ACAP2: variants seen among roughly 807,000 people sequenced by gnomAD.
ACAP2 encodes arf-GAP with coiled-coil, ANK repeat and PH domain-containing protein 2.
A neutral mutation model predicts 115.8 loss-of-function variants in ACAP2; 39 were observed. The ratio of observed to expected loss-of-function variants is 0.34; its 90% CI spans 0.26 to 0.44. The LOEUF (loss-of-function observed/expected upper bound fraction) is 0.44. Ranked by LOEUF, ACAP2 falls within the 20% of genes least tolerant of loss-of-function variation. The probability of loss-of-function intolerance (pLI) is 1.00; values close to 1 mark genes in which losing one functional copy is unlikely to be tolerated. For missense variants in ACAP2, 662 were observed against 927.6 expected (o/e 0.71, Z 3.72); for synonymous variants, 289 against 315.8 (o/e 0.92, Z 0.90).
intron 20 of ACAP2, 35 bp downstream of exon 20, chr3:195,291,671 T>C (rs750502046): frequency 6.5e-7 from 1 of 1,533,430 alleles, no homozygotes; most frequent in East Asian, 2.3e-5. Context: ...ATTTTTCAAA[T>C]AAAGTCTCCT....
At chr3:195,309,124 AAAT>A (rs1728596348) in intron 10 of ACAP2, among the ~76,000 whole-genome samples, 2 of 152,226 alleles carry the variant, frequency 1.3e-5, no homozygotes, top group Non-Finnish European at 1.5e-5. Flanking sequence ...TGCTATCACC[AAAT>A]AATAACTGTT....
At chr3:195,326,238 A>G (rs879247065) in intron 9 of ACAP2, 1 of 152,270 alleles carries the variant, frequency 6.6e-6, no homozygotes, top group Admixed American at 6.5e-5. Flanking sequence ...TTATTTTCAG[A>G]TAACTACACA....
intron 9 of ACAP2, among the ~76,000 whole-genome samples, chr3:195,325,650 T>G (rs1322710868): frequency 6.6e-6 from 1 of 152,102 alleles, no homozygotes; most frequent in Non-Finnish European, 1.5e-5. Flanking sequence ...TATTAAAAGA[T>G]GCATAATGTT....
intron 1 of ACAP2, among the ~76,000 whole-genome samples, chr3:195,420,406 T>C (rs974581695): frequency 3.9e-5 from 6 of 152,182 alleles, no homozygotes; most frequent in African/African-American, 1.4e-4. Flanking sequence ...TGGAGTGCAG[T>C]GGCGCAATCT....
intron 2 of ACAP2, 94 bp from the exon 3 acceptor site, chr3:195,382,116 G>C (rs1358735528): frequency 4.3e-6 from 5 of 1,169,296 alleles, no homozygotes; most frequent in Non-Finnish European, 6.0e-6. Flanking sequence ...AGGTGACCTA[G>C]TTAAGTTCAA....
At chr3:195,281,039 A>G (rs1233420536) in intron 22 of ACAP2, among the ~76,000 whole-genome samples, 2 of 152,230 alleles carry the variant, frequency 1.3e-5, no homozygotes, top group Admixed American at 1.3e-4. Flanking sequence ...GAATTAGAAA[A>G]AAGTTGAGGA....
intron 10 of ACAP2, among the ~76,000 whole-genome samples, chr3:195,312,162 C>T (rs982162630): frequency 2.0e-5 from 3 of 152,016 alleles, no homozygotes; most frequent in Non-Finnish European, 4.4e-5. Flanking sequence ...AGTCAAACTT[C>T]TAAATCTGTA....
intron 1 of ACAP2, among the ~76,000 whole-genome samples, chr3:195,437,865 G>A (rs1298240928): frequency 7.3e-6 from 1 of 137,474 alleles, no homozygotes; most frequent in Admixed American, 7.3e-5. Context: ...TTAAAATGAG[G>A]ATAAGTCCTA....
rs554733576 is a variant in ACAP2 at position 195,281,222 on chromosome 3, G to A, written c.2237-1794C>T. Among the ~76,000 whole-genome samples, 17 of 152,190 alleles carry A rather than the reference G, an allele frequency of 1.1e-4. No individual in the cohort carries two copies. In the South Asian group the frequency reaches 3.5e-3, roughly 32 times the overall value. On this transcript the variant is annotated intron_variant, in intron 22 of 22. Coordinates refer to ENST00000326793, the MANE Select transcript of ACAP2 (RefSeq NM_012287.6). The stretch of plus-strand genomic sequence containing the variant: ...AGATGGAGACCATCCTGGCTAACAC[G>A]GTGAAACCCCGTCTCTATTAAAAAT...
At chr3:195,397,946 T>G (rs1187048226) in intron 1 of ACAP2, among the ~76,000 whole-genome samples, 1 of 152,194 alleles carries the variant, frequency 6.6e-6, no homozygotes, top group Non-Finnish European at 1.5e-5. Context: ...AAAACAGGCC[T>G]AAGATCAGCA....
At chr3:195,361,728 CA>C (rs1405701897) in intron 4 of ACAP2, among the ~76,000 whole-genome samples, 1 of 151,822 alleles carries the variant, frequency 6.6e-6, no homozygotes, top group Non-Finnish European at 1.5e-5. Flanking sequence ...ATACAAAAAT[CA>C]ACGAAACAAA....
intron 4 of ACAP2, among the ~76,000 whole-genome samples, chr3:195,365,459 A>G (rs1732652367): frequency 6.6e-6 from 1 of 152,190 alleles, no homozygotes; most frequent in African/African-American, 2.4e-5. Context: ...CAAAATTATC[A>G]GGGCATTGTG....
At chr3:195,356,978 G>A (rs1277629974) in intron 4 of ACAP2, among the ~76,000 whole-genome samples, 1 of 151,882 alleles carries the variant, frequency 6.6e-6, no homozygotes, top group African/African-American at 2.4e-5. Context: ...TTGTCTTGCA[G>A]ATTAGGTACC....
rs1186648569 is a variant in ACAP2, at chr3:195,295,817, T to C, written c.1563A>G (p.Ser521=). ...KFVDKYSISL[S]PPEQQKKFVS... ...CAAACTTTTTTTGCTGCTCAGGAGG[T>C]GATAATGATATAGAATATTTATCCA... The change falls in exon 17 of 23, where the codon TCA becomes TCG. Residue 521 remains serine (S), a synonymous_variant. Coordinates refer to ENST00000326793, the MANE Select transcript of ACAP2 (RefSeq NM_012287.6). 5 of 1,614,014 alleles carry C rather than the reference T, an allele frequency of 3.1e-6. No individual in the cohort carries two copies. The highest frequency in any genetic ancestry group is 4.2e-6 in the Non-Finnish European group (5 of 1,179,972).
chr3:195,361,583 C>A (rs1246771302), intron 4 of ACAP2, among the ~76,000 whole-genome samples: 1 of 151,502 alleles, frequency 6.6e-6, no homozygotes, highest in East Asian at 1.9e-4. Flanking sequence ...AACAAAATAC[C>A]TTCAAATAAA....
chr3:195,313,340 C>T (rs1018282040), intron 10 of ACAP2, among the ~76,000 whole-genome samples: 4 of 152,140 alleles, frequency 2.6e-5, no homozygotes, highest in African/African-American at 7.2e-5. Context: ...TAGCACCTCG[C>T]GCCTCATCTT....
At chr3:195,355,281 C>CTT (rs11345721) in intron 4 of ACAP2, among the ~76,000 whole-genome samples, 29,379 of 126,502 alleles carry the variant, frequency 0.23, 3,821 homozygotes, top group East Asian at 0.68. Flanking sequence ...TCTTTTTCTT[C>CTT]TTTTTTTTTT....
At chr3:195,405,962 G>GAGA (rs1712737148) in intron 1 of ACAP2, among the ~76,000 whole-genome samples, 1 of 152,106 alleles carries the variant, frequency 6.6e-6, no homozygotes, top group Admixed American at 6.6e-5. Flanking sequence ...AACCATTCAT[G>GAGA]AGAAACTGCC....
chr3:195,327,742 C>T lies in ACAP2; in HGVS notation c.670-783G>A, dbSNP rs372449949. 8.2e-4 allele frequency among the ~76,000 whole-genome samples: 125 copies of T among 152,066 alleles called. 2 individuals carry two copies. The South Asian group carries it at 0.023, about 28-fold the overall frequency. ...GTCAGGACTTCGAGAACAGCCTGGCCAACATAGAGAAACCCCGTCTCTCCT... is the reference window on the plus strand; with the variant it reads ...GTCAGGACTTCGAGAACAGCCTGGCTAACATAGAGAAACCCCGTCTCTCCT... On this transcript the variant is annotated intron_variant, in intron 8 of 22. Transcript: ENST00000326793.
Sources: gnomAD v4.1 joint callset for allele counts (sites outside exome capture counted in the v4.1 genomes callset) on GRCh38, gnomAD v4.1.1 for gene constraint, MANE v1.5 for transcripts, NCBI Gene and HGNC (gene_info 2026-07-23, HGNC 2026-07-21) for gene names.